ZBTB16: variants seen among roughly 807,000 people sequenced by gnomAD.
The protein encoded by ZBTB16 is zinc finger and BTB domain containing 16, also known as zinc finger and BTB domain-containing protein 16.
In ZBTB16, 8 loss-of-function variants were observed where a neutral mutation model predicts 56.8. The ratio of observed to expected loss-of-function variants is 0.14; its 90% CI spans 0.08 to 0.25. The LOEUF is 0.25. Among genes scored for constraint, ZBTB16 ranks in the 10% least tolerant of loss-of-function variants. ZBTB16 has a pLI of 1.00. For synonymous variants in ZBTB16, 363 were observed against 368.5 expected (o/e 0.98, Z 0.17); for missense variants, 625 against 903.0 (o/e 0.69, Z 3.95).
At chr11:114,123,407 G>C (rs1027021335) in intron 2 of ZBTB16, among the ~76,000 whole-genome samples, 3 of 152,052 alleles carry the variant, frequency 2.0e-5, no homozygotes, top group East Asian at 1.9e-4. Context: ...CCTCATTGTC[G>C]AACTCAAACA....
At chr11:114,077,700 C>T (rs974424359) in intron 2 of ZBTB16, among the ~76,000 whole-genome samples, 5 of 152,208 alleles carry the variant, frequency 3.3e-5, no homozygotes, top group Non-Finnish European at 4.4e-5. Context: ...CAGGCTGCAC[C>T]TCCTGACACA....
At chr11:114,133,424 G>T (rs370786982) in intron 2 of ZBTB16, among the ~76,000 whole-genome samples, 3 of 152,104 alleles carry the variant, frequency 2.0e-5, no homozygotes, top group African/African-American at 7.2e-5. Flanking sequence ...CCCACTAGCC[G>T]CTGAGTGGAG....
Position 114,063,561 on chromosome 11 carries a change from A to T in ZBTB16, c.261A>T (p.Ala87=). The T allele has an allele frequency of 6.2e-7, 1 of 1,614,232 alleles. No homozygotes were observed. The highest frequency in any genetic ancestry group is 8.5e-7 in the Non-Finnish European group (1 of 1,180,048). Residue 87 remains alanine, a synonymous_variant, in exon 2 of 7, where the codon GCA becomes GCT. Transcript: ENST00000335953. The surrounding 1 kb of genome is among the most constrained non-coding windows in gnomAD (Gnocchi z 6.5). ...CCTTCCAGCAGATTCTGGAGTATGC[A>T]TATACAGCCACGCTGCAAGCCAAGG... The part of the protein sequence containing the change: ...PKTFQQILEY[A]YTATLQAKAE...
rs185786207 is a variant in ZBTB16, at chr11:114,180,528, G to A, written c.1367-6424G>A. ...GATCTCACACCAGAAGAAGCAGACA[G>A]CCCCACTTCCTAACCTTTCCTCCCT... On this transcript the variant is annotated intron_variant, in intron 3 of 6. Transcript: ENST00000335953. Among the ~76,000 whole-genome samples, 7 of 152,318 alleles carry A rather than the reference G, an allele frequency of 4.6e-5. No homozygotes were observed. The East Asian group carries it at 1.4e-3, about 29-fold the overall frequency.
At chr11:114,061,077 C>G (rs1938833697) in intron 1 of ZBTB16, among the ~76,000 whole-genome samples, 2 of 152,120 alleles carry the variant, frequency 1.3e-5, no homozygotes, top group African/African-American at 4.8e-5. Context: ...AGGAGTCTAG[C>G]TCCTCGGGAA....
At chr11:114,173,476 G>T (rs931399358) in intron 3 of ZBTB16, among the ~76,000 whole-genome samples, 11 of 152,178 alleles carry the variant, frequency 7.2e-5, no homozygotes, top group African/African-American at 2.7e-4. Context: ...CACAGTGGAA[G>T]CACATCCGTA....
intron 2 of ZBTB16, among the ~76,000 whole-genome samples, chr11:114,069,399 T>G (rs1407793556): frequency 6.6e-6 from 1 of 152,196 alleles, no homozygotes; most frequent in Non-Finnish European, 1.5e-5. Flanking sequence ...GCCTGGTTCT[T>G]GAAGGGATTC....
Position 114,197,684 on chromosome 11 carries a change from G to A in ZBTB16, c.1453+10646G>A, listed in dbSNP as rs1406148931. On this transcript the variant is annotated intron_variant, in intron 4 of 6. Transcript: ENST00000335953. ...GGTGATCATGGTGGGGGCAGGGGGT[G>A]GGGTGGGAGTAGCAGGCAAGACAGA... Among the ~76,000 whole-genome samples the A allele has an allele frequency of 2.0e-5, 3 of 152,048 alleles. No homozygotes were observed. The East Asian group carries it at 5.8e-4, about 29-fold the overall frequency.
intron 4 of ZBTB16, among the ~76,000 whole-genome samples, chr11:114,228,421 A>G (rs1480816948): frequency 2.6e-5 from 4 of 152,140 alleles, no homozygotes; most frequent in Non-Finnish European, 4.4e-5. Flanking sequence ...TTATATTCCT[A>G]ATGGAAGGAG....
At position 114,251,121 on chromosome 11, in the gene ZBTB16, G is replaced by T. The variant is rs968521802; in HGVS notation, c.*566G>T. Reference sequence around the variant, plus strand: ...CTTCCCACCACTCAGCCCACCTGCTGCTTTCCTCTGCTTTGCCACATCTGG... The same window carrying T: ...CTTCCCACCACTCAGCCCACCTGCTTCTTTCCTCTGCTTTGCCACATCTGG... On this transcript the variant is annotated 3_prime_UTR_variant, in exon 7 of 7. Transcript: ENST00000335953. Among the ~76,000 whole-genome samples, 12 of 152,266 alleles carry T rather than the reference G, an allele frequency of 7.9e-5. No individual in the cohort carries two copies. Among genetic ancestry groups the T allele is most frequent in the Middle Eastern group, 3.4e-3 (1 of 294 alleles).
chr11:114,116,436 C>G (rs939255252), intron 2 of ZBTB16, among the ~76,000 whole-genome samples: 8 of 152,262 alleles, frequency 5.3e-5, no homozygotes, highest in Admixed American at 4.6e-4. Context: ...GGAATCTGAC[C>G]TTCTGTAACC....
intron 2 of ZBTB16, among the ~76,000 whole-genome samples, chr11:114,129,311 C>T (rs536034422): frequency 2.0e-5 from 3 of 152,222 alleles, no homozygotes; most frequent in Admixed American, 6.5e-5. Flanking sequence ...TTACTGAGTA[C>T]ATTTGATCCG....
chr11:114,066,503 C>G (rs1939123655), intron 2 of ZBTB16, among the ~76,000 whole-genome samples: 1 of 152,130 alleles, frequency 6.6e-6, no homozygotes. Flanking sequence ...GCTATGAGAA[C>G]TGGGTATGGT....
intron 2 of ZBTB16, among the ~76,000 whole-genome samples, chr11:114,077,693 G>A (rs1489913781): frequency 6.6e-6 from 1 of 152,166 alleles, no homozygotes; most frequent in African/African-American, 2.4e-5. Context: ...TGCAAAGCAG[G>A]CTGCACCTCC....
intron 2 of ZBTB16, among the ~76,000 whole-genome samples, chr11:114,105,244 C>CTTT (rs560912055): frequency 0.012 from 1,782 of 145,894 alleles, 40 homozygotes; most frequent in African/African-American, 0.043. Flanking sequence ...CTCTCTCTCT[C>CTTT]TTTTTTTTTT....
chr11:114,204,561 C>A (rs987100361), intron 4 of ZBTB16, among the ~76,000 whole-genome samples: 4 of 152,210 alleles, frequency 2.6e-5, no homozygotes, highest in Admixed American at 1.3e-4. Flanking sequence ...CCAGTGTTCT[C>A]CCTACACCCA....
chr11:114,125,349 A>G (rs1941476074), intron 2 of ZBTB16, among the ~76,000 whole-genome samples: 1 of 152,146 alleles, frequency 6.6e-6, no homozygotes, highest in Admixed American at 6.5e-5. Context: ...AGTTTGCCCC[A>G]CTGGTTTCCT....
At position 114,064,529 on chromosome 11, in the gene ZBTB16, G is replaced by A. The variant is rs1470582520; in HGVS notation, c.1229G>A (p.Gly410Glu). ...ATCGGAGAGCAGTGCAGCGTGTGTG[G>A]GGTCGAGCTTCCTGATAACGAGGCT... ...RTIGEQCSVC[G>E]VELPDNEAVE... The change falls in exon 2 of 7, where the codon GGG becomes GAG. Residue 410 changes from glycine (G) to glutamate (E), a missense_variant. Gly to Glu is a moderately conservative substitution (Grantham distance 98). Transcript: ENST00000335953. The surrounding 1 kb of genome is among the most constrained non-coding windows in gnomAD (Gnocchi z 4.2). 2.5e-6 allele frequency: 4 copies of A among 1,613,874 alleles called. No individual in the cohort carries two copies. The African/African-American group carries it at 4.0e-5, about 16-fold the overall frequency.
intron 3 of ZBTB16, among the ~76,000 whole-genome samples, chr11:114,156,902 T>C (rs140012049): frequency 4.9e-4 from 75 of 152,324 alleles, no homozygotes; most frequent in African/African-American, 1.6e-3. Context: ...TGGCTGCTGG[T>C]AATTTTGCTC....
Sources: allele counts gnomAD v4.1 joint callset (sites outside exome capture counted in the v4.1 genomes callset), GRCh38; gene constraint gnomAD v4.1.1; non-coding constraint Gnocchi (gnomAD v3.1); transcripts MANE v1.5; gene names NCBI Gene and HGNC (gene_info 2026-07-23, HGNC 2026-07-21).